The following GALNT13 variants were observed in gnomAD, a reference collection of about 807,000 sequenced individuals.
GALNT13 encodes the protein polypeptide N-acetylgalactosaminyltransferase 13, also known as UDP-GalNAc:polypeptide N-acetylgalactosaminyltransferase 13.
Under a neutral mutation model 64.2 loss-of-function variants are expected in GALNT13, and 28 were observed. That is an observed-to-expected ratio of 0.44 (90% CI 0.32 to 0.60). The LOEUF is 0.60. Among genes scored for constraint, GALNT13 ranks in the 20% least tolerant of loss-of-function variants. The pLI, the probability that GALNT13 is intolerant of heterozygous loss-of-function variation, is 0.05. For synonymous variants in GALNT13, 214 were observed against 224.6 expected, an observed-to-expected ratio of 0.95 and a Z score of 0.42; for missense variants, 577 against 669.8, an observed-to-expected ratio of 0.86 and a Z score of 1.53.
chr2:153,703,102 T>C, the GALNT13 span, among the ~76,000 whole-genome samples: 21 of 152,252 alleles, frequency 1.4e-4, 1 homozygote, highest in Middle Eastern at 3.4e-3. Flanking sequence ...AATCAAGTAA[T>C]ATGAGGCTTG....
At chr2:153,597,272 G>A in the GALNT13 span, among the ~76,000 whole-genome samples, 17 of 152,160 alleles carry the variant, frequency 1.1e-4, 1 homozygote, top group Admixed American at 3.9e-4. Flanking sequence ...ACTTCTAAGC[G>A]TAGGGCTCAG....
the GALNT13 span, among the ~76,000 whole-genome samples, chr2:153,300,716 C>T: frequency 6.6e-6 from 1 of 152,070 alleles, no homozygotes; most frequent in Non-Finnish European, 1.5e-5. Flanking sequence ...TCTCTCTAGA[C>T]CCACAGCTGA....
At chr2:153,285,653 A>G in the GALNT13 span, among the ~76,000 whole-genome samples, 2 of 152,190 alleles carry the variant, frequency 1.3e-5, no homozygotes, top group African/African-American at 2.4e-5. Context: ...ACAGTATAGA[A>G]TATGTACTGC....
chr2:154,269,621 G>A (rs889593326), intron 8 of GALNT13, among the ~76,000 whole-genome samples: 9 of 151,102 alleles, frequency 6.0e-5, no homozygotes, highest in African/African-American at 2.2e-4. Context: ...AAAGAATGCA[G>A]ACCAATCTTA....
intron 3 of GALNT13, among the ~76,000 whole-genome samples, chr2:154,085,551 TG>T (rs1264815231): frequency 2.0e-5 from 3 of 152,056 alleles, no homozygotes; most frequent in Non-Finnish European, 4.4e-5. Flanking sequence ...TTAAAAACTT[TG>T]GAACTCCAGA....
the GALNT13 span, among the ~76,000 whole-genome samples, chr2:153,691,502 T>C: frequency 6.6e-6 from 1 of 152,162 alleles, no homozygotes; most frequent in South Asian, 2.1e-4. Flanking sequence ...TGATCCTTTT[T>C]TTCTAATAAA....
At chr2:154,201,102 G>C (rs1169031286) in intron 4 of GALNT13, among the ~76,000 whole-genome samples, 2 of 152,172 alleles carry the variant, frequency 1.3e-5, no homozygotes, top group East Asian at 3.9e-4. Context: ...GTATTAGTTT[G>C]TAAGAGCTAT....
At chr2:153,615,462 TA>T in the GALNT13 span, among the ~76,000 whole-genome samples, 1 of 152,094 alleles carries the variant, frequency 6.6e-6, no homozygotes, top group South Asian at 2.1e-4. Context: ...CTGCTCTCTA[TA>T]GAAGTTATAC....
the GALNT13 span, among the ~76,000 whole-genome samples, chr2:153,369,901 T>C: frequency 6.6e-6 from 1 of 152,172 alleles, no homozygotes; most frequent in African/African-American, 2.4e-5. Flanking sequence ...GGCTGCTTCA[T>C]GAGAGATTAT....
the GALNT13 span, among the ~76,000 whole-genome samples, chr2:153,160,093 A>G: frequency 6.6e-6 from 1 of 152,258 alleles, no homozygotes; most frequent in Non-Finnish European, 1.5e-5. Context: ...CTTGGGATGT[A>G]GAAAGAATGT....
the GALNT13 span, among the ~76,000 whole-genome samples, chr2:153,439,466 C>A: frequency 2.0e-5 from 3 of 152,304 alleles, no homozygotes; most frequent in African/African-American, 7.2e-5. Flanking sequence ...GTGGGCTCCA[C>A]CCAGTTCGAG....
intron 3 of GALNT13, among the ~76,000 whole-genome samples, chr2:154,077,638 A>G (rs1701057329): frequency 1.3e-5 from 2 of 151,604 alleles, no homozygotes; most frequent in East Asian, 3.9e-4. Flanking sequence ...AATAGACACA[A>G]ATTTTGTGGC....
chr2:154,005,940 T>C (rs557502902), intron 3 of GALNT13, among the ~76,000 whole-genome samples: 1 of 152,282 alleles, frequency 6.6e-6, no homozygotes, highest in African/African-American at 2.4e-5. Flanking sequence ...ACAAGGACCA[T>C]ATAATGAGTA....
the GALNT13 span, among the ~76,000 whole-genome samples, chr2:153,383,182 T>A: frequency 6.6e-6 from 1 of 152,112 alleles, no homozygotes; most frequent in Non-Finnish European, 1.5e-5. Flanking sequence ...GTAAAAATAA[T>A]CAGGCAGGTT....
the GALNT13 span, among the ~76,000 whole-genome samples, chr2:153,202,209 C>T: frequency 6.6e-6 from 1 of 151,920 alleles, no homozygotes; most frequent in Non-Finnish European, 1.5e-5. Flanking sequence ...TGGTCTCGAT[C>T]TCCTGACCTC....
At chr2:153,626,188 C>T in the GALNT13 span, among the ~76,000 whole-genome samples, 2 of 152,008 alleles carry the variant, frequency 1.3e-5, no homozygotes, top group African/African-American at 4.8e-5. Flanking sequence ...CCAACTCACT[C>T]AATGAAGAAA....
At chr2:154,166,631 A>G (rs1685041194) in intron 4 of GALNT13, among the ~76,000 whole-genome samples, 1 of 152,236 alleles carries the variant, frequency 6.6e-6, no homozygotes, top group African/African-American at 2.4e-5. Flanking sequence ...TACTGGGTAT[A>G]TACCCAAAGG....
the GALNT13 span, among the ~76,000 whole-genome samples, chr2:153,727,177 A>G: frequency 3.3e-5 from 5 of 152,112 alleles, no homozygotes; most frequent in African/African-American, 1.2e-4. Flanking sequence ...AAATAACATA[A>G]TCAAGGTGTT....
At chr2:154,058,693 G>C (rs145420858) in intron 3 of GALNT13, among the ~76,000 whole-genome samples, 1 of 152,204 alleles carries the variant, frequency 6.6e-6, no homozygotes, top group Non-Finnish European at 1.5e-5. Context: ...TGTTTGAAGA[G>C]TTGCAAGGGG....
Sources: allele counts gnomAD v4.1 joint callset (sites outside exome capture counted in the v4.1 genomes callset), GRCh38; gene constraint gnomAD v4.1.1; transcripts MANE v1.5; gene names NCBI Gene and HGNC (gene_info 2026-07-23, HGNC 2026-07-21).